SCAF8: variants seen among roughly 807,000 people sequenced by gnomAD.
The protein encoded by SCAF8 is SR-related CTD associated factor 8, also known as SR-related and CTD-associated factor 8.
A neutral mutation model predicts 140.5 loss-of-function variants in SCAF8; 23 were observed. The observed-to-expected ratio is 0.16, with a 90% CI of 0.12 to 0.23. SCAF8 has a LOEUF of 0.23. SCAF8 is among the 10% of genes least tolerant of loss of function. The probability of loss-of-function intolerance (pLI) is 1.00; values close to 1 mark genes in which losing one functional copy is unlikely to be tolerated. For synonymous variants in SCAF8, 575 were observed against 528.9 expected (o/e 1.09, Z -1.20); for missense variants, 1,397 against 1,555.7 (o/e 0.90, Z 1.72).
rs1270059930 is a variant in SCAF8, at chr6:154,833,481, C to T, written c.*86C>T. 1 of 1,284,204 alleles carries T rather than the reference C, an allele frequency of 7.8e-7. No homozygotes were observed. Among genetic ancestry groups the T allele is most frequent in the Non-Finnish European group, 1.1e-6 (1 of 927,990 alleles). The allele number at this position is 1,284,204 out of a possible 1,614,324, so 79.6% of individuals were successfully genotyped here. A position where few individuals can be genotyped will look rare whatever the true frequency, so the allele number is the denominator to read the frequency against. On this transcript the variant is annotated 3_prime_UTR_variant, in exon 20 of 20. Coordinates refer to ENST00000367178, the MANE Select transcript of SCAF8 (RefSeq NM_014892.5). The stretch of plus-strand genomic sequence containing the variant: ...TGGCTGACTGGACCATAGTTGTTCA[C>T]TTTTGTCTGCCAGAATTAAGTTAAT...
At chr6:154,796,623 G>C (rs903245173) in intron 6 of SCAF8, among the ~76,000 whole-genome samples, 3 of 151,906 alleles carry the variant, frequency 2.0e-5, no homozygotes, top group Non-Finnish European at 4.4e-5. Flanking sequence ...TCTGTATTCT[G>C]TGCAGTACAA....
rs1778326329 is a variant in SCAF8 at position 154,733,737 on chromosome 6, C to T, written c.-164C>T. On this transcript the variant is annotated 5_prime_UTR_variant, in exon 1 of 20. Transcript: ENST00000367178. ...CTCTGCCGCTGAGGGAGCCCTTCCCCGCCAGCGCGTGCCCTTCCACTCCGC... is the reference window on the plus strand; with the variant it reads ...CTCTGCCGCTGAGGGAGCCCTTCCCTGCCAGCGCGTGCCCTTCCACTCCGC... 6.0e-6 allele frequency: 8 copies of T among 1,330,112 alleles called. No homozygotes were observed. The highest frequency in any genetic ancestry group is 1.5e-5 in the African/African-American group (1 of 64,734). The allele number at this position is 1,330,112 out of a possible 1,614,324, so 82.4% of individuals were successfully genotyped here.
Position 154,808,790 on chromosome 6 carries a change from T to G in SCAF8, c.1218T>G (p.Ser406=), listed in dbSNP as rs1778001679. ...CAAGATCAAGAACACATTCACGATC[T>G]CGTTCAAGGTTCTACAATGATATTT... ...VRSRSRTHSR[S]RSRSPRKRRS... The change falls in exon 11 of 20, where the codon TCT becomes TCG. Residue 406 remains serine (S), a synonymous_variant. Transcript: ENST00000367178. The G allele has an allele frequency of 2.5e-6, 4 of 1,607,972 alleles. No homozygotes were observed. The highest frequency in any genetic ancestry group is 3.4e-6 in the Non-Finnish European group (4 of 1,174,538).
At chr6:154,740,625 C>CTTTTTTTT (rs66980794) in intron 1 of SCAF8, among the ~76,000 whole-genome samples, 13 of 138,516 alleles carry the variant, frequency 9.4e-5, no homozygotes, top group East Asian at 4.2e-4. Flanking sequence ...TTTTCTTTTT[C>CTTTTTTTT]TTTTTTTTTT....
chr6:154,815,371 A>G (rs1297314122), intron 12 of SCAF8, among the ~76,000 whole-genome samples: 1 of 152,210 alleles, frequency 6.6e-6, no homozygotes, highest in Non-Finnish European at 1.5e-5. Context: ...TTTGTTGCAC[A>G]TTAGAATCAC....
intron 1 of SCAF8, among the ~76,000 whole-genome samples, chr6:154,763,915 A>G (rs1469540132): frequency 6.6e-6 from 1 of 152,180 alleles, no homozygotes; most frequent in Non-Finnish European, 1.5e-5. Context: ...TGATAGAGAC[A>G]GTATGACCTG....
In SCAF8 at chr6:154,831,095, C is replaced by G; in HGVS notation, c.2314C>G (p.His772Asp). ...KQAEPEEKVP[H>D]LIDHQISSGE... ...GGCAGAGCCTGAAGAAAAAGTACCTCATCTTATAGACCACCAGATTTCTTC... is the reference window on the plus strand; with the variant it reads ...GGCAGAGCCTGAAGAAAAAGTACCTGATCTTATAGACCACCAGATTTCTTC... Residue 772 changes from histidine to aspartate, a missense_variant, in exon 19 of 20, where the codon CAT becomes GAT. By Grantham distance (81) the His-to-Asp change is moderately conservative. This residue lies in a region of SCAF8 where 930 missense variants were observed against 874.6 expected (regional missense o/e 1.06). Transcript: ENST00000367178. 6.2e-7 allele frequency: 1 copy of G among 1,613,368 alleles called. No homozygotes were observed. Among genetic ancestry groups the G allele is most frequent in the South Asian group, 1.1e-5 (1 of 91,060 alleles).
chr6:154,776,202 C>T (rs1776910933), intron 2 of SCAF8, among the ~76,000 whole-genome samples: 1 of 151,876 alleles, frequency 6.6e-6, no homozygotes, highest in South Asian at 2.1e-4. Flanking sequence ...TGTCACCCAG[C>T]AGTTTTTTTT....
intron 4 of SCAF8, among the ~76,000 whole-genome samples, chr6:154,792,585 C>T (rs1006536343): frequency 3.9e-5 from 6 of 152,160 alleles, no homozygotes; most frequent in African/African-American, 1.4e-4. Flanking sequence ...GTCATCTCCG[C>T]CTTCAGCTAA....
intron 15 of SCAF8, among the ~76,000 whole-genome samples, chr6:154,820,835 A>G (rs1778402048): frequency 6.6e-6 from 1 of 152,270 alleles, no homozygotes. Context: ...CCCCAAAATT[A>G]TCTTTTTATT....
intron 9 of SCAF8, among the ~76,000 whole-genome samples, chr6:154,807,286 A>T (rs1178307092): frequency 1.3e-5 from 2 of 152,202 alleles, no homozygotes; most frequent in Non-Finnish European, 2.9e-5. Flanking sequence ...CAGTTCCAAA[A>T]TTTCACAGCT....
intron 4 of SCAF8, among the ~76,000 whole-genome samples, chr6:154,790,751 C>T (rs534176064): frequency 6.6e-6 from 1 of 152,116 alleles, no homozygotes; most frequent in South Asian, 2.1e-4. Flanking sequence ...ACCTTGTGAT[C>T]TGTCCGCCTT....
At chr6:154,811,334 G>A (rs1451653132) in intron 12 of SCAF8, among the ~76,000 whole-genome samples, 1 of 151,476 alleles carries the variant, frequency 6.6e-6, no homozygotes, top group Non-Finnish European at 1.5e-5. Flanking sequence ...ATTTTATATG[G>A]AGTCGCTCTC....
Position 154,782,747 on chromosome 6 carries a change from C to G in SCAF8, c.159+4702C>G, listed in dbSNP as rs545554573. Among the ~76,000 whole-genome samples the G allele has an allele frequency of 7.1e-4, 108 of 152,226 alleles. 1 individual carries two copies. The highest frequency in any genetic ancestry group is 2.4e-3 in the African/African-American group (100 of 41,528). On this transcript the variant is annotated intron_variant, in intron 3 of 19. Coordinates refer to ENST00000367178, the MANE Select transcript of SCAF8 (RefSeq NM_014892.5). ...ACTGAAGAACTTGGAGTCCAGTGTTCGAGGGCAGGAAGCGTCCAGCACAAG... is the reference window on the plus strand; with the variant it reads ...ACTGAAGAACTTGGAGTCCAGTGTTGGAGGGCAGGAAGCGTCCAGCACAAG...
intron 1 of SCAF8, among the ~76,000 whole-genome samples, chr6:154,745,718 T>G (rs1315040439): frequency 6.6e-6 from 1 of 152,218 alleles, no homozygotes; most frequent in East Asian, 1.9e-4. Flanking sequence ...TTTTCACCAC[T>G]TGTTTTGGTG....
intron 11 of SCAF8, 33 bp from the exon 12 acceptor site, chr6:154,809,979 CATT>C (rs1778041429): frequency 1.3e-6 from 2 of 1,516,832 alleles, no homozygotes; most frequent in Admixed American, 2.1e-5. Context: ...AGAAAGAAAA[CATT>C]GTCATTAGAA....
At chr6:154,819,110 C>G (rs377082317) in intron 14 of SCAF8, among the ~76,000 whole-genome samples, 5 of 151,730 alleles carry the variant, frequency 3.3e-5, no homozygotes, top group Non-Finnish European at 5.9e-5. Context: ...CCATTACTTT[C>G]TATGATTAAC....
intron 1 of SCAF8, among the ~76,000 whole-genome samples, chr6:154,766,074 AAAG>A (rs1185597293): frequency 7.1e-6 from 1 of 141,500 alleles, no homozygotes; most frequent in Non-Finnish European, 1.5e-5. Flanking sequence ...AAGTAAGAGA[AAAG>A]AAAATGTTAT....
rs777908350 is a variant in SCAF8, at chr6:154,773,969, A to G, written c.31-20A>G. 6.5e-7 allele frequency: 1 copy of G among 1,543,394 alleles called. No homozygotes were observed. Among genetic ancestry groups the G allele is most frequent in the East Asian group, 2.2e-5 (1 of 44,490 alleles). On this transcript the variant is annotated intron_variant, in intron 1 of 19. Coordinates refer to ENST00000367178, the MANE Select transcript of SCAF8 (RefSeq NM_014892.5). ...GCTTGGAGAGTTTTGCTGTATGTAA[A>G]TTTGTTCTTTTTTCATCAGTTGTAT... is the stretch of plus-strand genomic sequence containing the variant.
Sources: gnomAD v4.1 joint callset for allele counts (sites outside exome capture counted in the v4.1 genomes callset) on GRCh38, gnomAD v4.1.1 for gene constraint, gnomAD v4.1.1 regional missense constraint, MANE v1.5 for transcripts, NCBI Gene and HGNC (gene_info 2026-07-23, HGNC 2026-07-21) for gene names.